Variants in ECPAS observed in about 807,000 individuals in gnomAD.
The protein encoded by ECPAS is proteasome adapter and scaffold protein ECM29.
ECPAS carries 70 observed loss-of-function variants against 255.1 expected under a neutral mutation model. That is an observed-to-expected ratio of 0.27 (90% CI 0.23 to 0.33). ECPAS has a LOEUF of 0.33. Among genes scored for constraint, ECPAS ranks in the 10% least tolerant of loss-of-function variants. ECPAS has a pLI of 1.00. For missense variants in ECPAS, 1,817 were observed against 2,206.4 expected (o/e 0.82, Z 3.54); for synonymous variants, 784 against 775.0 (o/e 1.01, Z -0.19).
At chr9:111,432,603 G>A (rs12341828) in intron 8 of ECPAS, among the ~76,000 whole-genome samples, 53,409 of 152,120 alleles carry the variant, frequency 0.35, 10,915 homozygotes, top group Non-Finnish European at 0.47. Context: ...AACAGAGAGA[G>A]ACCCTGTCTC....
intron 27 of ECPAS, 122 bp downstream of exon 27, chr9:111,393,558 G>T (rs2098163343): frequency 1.5e-6 from 1 of 689,584 alleles, no homozygotes; most frequent in Non-Finnish European, 2.5e-6. Context: ...AACAAATAAG[G>T]TTTAATAATT....
intron 12 of ECPAS, 66 bp from the exon 13 acceptor site, chr9:111,423,314 T>C: frequency 4.5e-6 from 5 of 1,120,180 alleles, no homozygotes; most frequent in Non-Finnish European, 6.5e-6. Context: ...AAAAATACAG[T>C]AAACAGTAAA....
chr9:111,380,514 G>A (rs185354934), intron 35 of ECPAS, among the ~76,000 whole-genome samples: 77 of 152,320 alleles, frequency 5.1e-4, no homozygotes, highest in South Asian at 1.5e-3. Context: ...AGGATTTTCA[G>A]AATGGTAAAT....
Position 111,366,568 on chromosome 9 carries a change from T to C in ECPAS, c.5173A>G (p.Lys1725Glu). The change falls in exon 47 of 50, where the codon AAA (lysine) becomes GAA (glutamate). Residue 1725 changes from lysine (K) to glutamate (E), a missense_variant. Physicochemically the swap from Lys to Glu is moderately conservative, Grantham distance 56. This residue lies in a region of ECPAS where 960 missense variants were observed against 1,179.0 expected (regional missense o/e 0.81). Transcript: ENST00000684092. ...MCERLKLSTW[K>E]VQLGVLQSMN... is the part of the protein sequence containing the mutation. ...GATTGCAGGACTCCTAGCTGCACTTTCCACGTGCTGAGTTTTAGCCGTTCA... is the reference window on the plus strand; with the variant it reads ...GATTGCAGGACTCCTAGCTGCACTTCCCACGTGCTGAGTTTTAGCCGTTCA... 6.2e-7 allele frequency: 1 copy of C among 1,613,430 alleles called. No homozygotes were observed. Among genetic ancestry groups the C allele is most frequent in the South Asian group, 1.1e-5 (1 of 91,074 alleles).
chr9:111,443,874 T>G (rs930055734), intron 4 of ECPAS, among the ~76,000 whole-genome samples: 49 of 152,212 alleles, frequency 3.2e-4, no homozygotes, highest in African/African-American at 1.2e-3. Flanking sequence ...GACAACACTT[T>G]AAAAGGAATG....
rs762152636 is a variant in ECPAS, at chr9:111,375,180, G to A, written c.4043C>T (p.Ser1348Leu). 6.2e-7 allele frequency: 1 copy of A among 1,613,636 alleles called. No individual in the cohort carries two copies. The highest frequency in any genetic ancestry group is 2.2e-5 in the East Asian group (1 of 44,850). The part of the protein sequence containing the change: ...INMCLQYLDV[S>L]VLGELVPRLC... ...CCTAGGAACTAGCTCGCCCAGCACT[G>A]ACACATCAAGGTATTGCAGGCACTT... Residue 1348 changes from serine (S) to leucine (L), a missense_variant, in exon 38 of 50, where the codon TCA (serine) becomes TTA (leucine). Coordinates refer to ENST00000684092, the MANE Select transcript of ECPAS (RefSeq NM_001364929.1).
chr9:111,362,187 A>AC lies in ECPAS; in HGVS notation c.5381-19_5381-18insG. ...TTTAGATTCTGCATGAAAAAAAAAA[A>AC]ACAAAAACAAAAAAAACAAAAAACA... On this transcript the variant is annotated intron_variant, in intron 49 of 49. Coordinates refer to ENST00000684092, the MANE Select transcript of ECPAS (RefSeq NM_001364929.1). The AC allele has an allele frequency of 2.6e-6, 4 of 1,532,898 alleles. No individual in the cohort carries two copies. The highest frequency in any genetic ancestry group is 3.5e-6 in the Non-Finnish European group (4 of 1,145,398). The allele number at this position is 1,532,898 out of a possible 1,614,324, so 95.0% of individuals were successfully genotyped here.
intron 4 of ECPAS, among the ~76,000 whole-genome samples, 159 bp from the exon 5 acceptor site, chr9:111,442,583 T>C (rs2098247391): frequency 1.3e-5 from 2 of 152,214 alleles, no homozygotes; most frequent in African/African-American, 4.8e-5. Context: ...CCAACTACTG[T>C]ATCTCAGAGG....
intron 24 of ECPAS, among the ~76,000 whole-genome samples, chr9:111,403,046 A>AG (rs1213430931): frequency 6.6e-6 from 1 of 152,114 alleles, no homozygotes; most frequent in Non-Finnish European, 1.5e-5. Context: ...GACCAACTAT[A>AG]TGCTGCCTAC....
intron 2 of ECPAS, among the ~76,000 whole-genome samples, chr9:111,464,317 G>A (rs975514878): frequency 3.3e-5 from 5 of 150,942 alleles, no homozygotes; most frequent in African/African-American, 1.2e-4. Flanking sequence ...TGCACCTGTA[G>A]TCCCAGCTAC....
At chr9:111,452,514 T>TA (rs1038950291) in intron 2 of ECPAS, among the ~76,000 whole-genome samples, 5 of 152,186 alleles carry the variant, frequency 3.3e-5, no homozygotes, top group African/African-American at 1.2e-4. Context: ...AGAATTTTCT[T>TA]TAAATAATGA....
chr9:111,379,800 TG>T (rs1379569444), intron 35 of ECPAS, among the ~76,000 whole-genome samples: 1 of 152,218 alleles, frequency 6.6e-6, no homozygotes, highest in East Asian at 1.9e-4. Context: ...CCACTTTCTT[TG>T]CTCATCGATA....
At chr9:111,403,893 C>A (rs77756308) in intron 24 of ECPAS, among the ~76,000 whole-genome samples, 10,102 of 149,606 alleles carry the variant, frequency 0.068, 714 homozygotes, top group East Asian at 0.21. Flanking sequence ...AAAAAAAATC[C>A]AAATCATATC....
At chr9:111,441,662 T>A (rs1283012263) in intron 5 of ECPAS, among the ~76,000 whole-genome samples, 1 of 152,240 alleles carries the variant, frequency 6.6e-6, no homozygotes, top group Admixed American at 6.5e-5. Context: ...TCTTAAAACA[T>A]CTGACAACAA....
chr9:111,429,449 C>T (rs2098226603), intron 9 of ECPAS, among the ~76,000 whole-genome samples: 1 of 152,078 alleles, frequency 6.6e-6, no homozygotes, highest in South Asian at 2.1e-4. Flanking sequence ...TGTTTTGTGA[C>T]CCTAAAAAGG....
chr9:111,367,147 ATAAT>A (rs766859613), intron 46 of ECPAS, among the ~76,000 whole-genome samples: 10 of 152,224 alleles, frequency 6.6e-5, no homozygotes, highest in Non-Finnish European at 1.3e-4. Context: ...TTATAACTAT[ATAAT>A]TAATATTATG....
At chr9:111,384,002 G>A (rs201194209) in intron 34 of ECPAS, among the ~76,000 whole-genome samples, 13 of 148,014 alleles carry the variant, frequency 8.8e-5, no homozygotes, top group Non-Finnish European at 4.5e-5. Flanking sequence ...CATCAATAAC[G>A]CTGGGTCACA....
chr9:111,444,238 T>TTA, intron 4 of ECPAS, 140 bp downstream of exon 4: 1 of 498,428 alleles, frequency 2.0e-6, no homozygotes, highest in African/African-American at 2.0e-5. Context: ...GTGTGTCATT[T>TTA]AAAAAAAAAA....
In ECPAS at chr9:111,389,676, C is replaced by T; in HGVS notation, c.3327G>A (p.Gln1109=). The T allele has an allele frequency of 6.2e-7, 1 of 1,613,876 alleles. No homozygotes were observed. The highest frequency in any genetic ancestry group is 1.1e-5 in the South Asian group (1 of 91,054). ...CTAGCTGAGGCAGAAAAGGAGCCAG[C>T]TGCTCTCCAGCTCTGGTAGCAATTA... ...FNVIATRAGE[Q]LAPFLPQLVP... The change falls in exon 31 of 50, where the codon CAG becomes CAA. Residue 1109 remains glutamine (Q), a synonymous_variant. Transcript: ENST00000684092.
Sources: allele counts gnomAD v4.1 joint callset (sites outside exome capture counted in the v4.1 genomes callset), GRCh38; gene constraint gnomAD v4.1.1; regional missense constraint gnomAD v4.1.1; transcripts MANE v1.5; gene names NCBI Gene and HGNC (gene_info 2026-07-23, HGNC 2026-07-21).